Variants in ZFPM2 observed in about 807,000 individuals in gnomAD.
ZFPM2 encodes zinc finger protein ZFPM2.
In ZFPM2, 20 loss-of-function variants were observed where a neutral mutation model predicts 98.6. The observed-to-expected ratio is 0.20, with a 90% CI of 0.14 to 0.29. ZFPM2 has a LOEUF of 0.29. Ranked by LOEUF, ZFPM2 falls within the 10% of genes least tolerant of loss-of-function variation. The pLI is 1.00. For synonymous variants in ZFPM2, 518 were observed against 502.7 expected (o/e 1.03, Z -0.41); for missense variants, 1,310 against 1,388.6 (o/e 0.94, Z 0.90).
intron 2 of ZFPM2, among the ~76,000 whole-genome samples, chr8:105,431,716 C>G (rs1812023400): frequency 6.6e-6 from 1 of 151,922 alleles, no homozygotes; most frequent in South Asian, 2.1e-4. Flanking sequence ...GAGTTTGACA[C>G]CAGGTTGGCA....
intron 5 of ZFPM2, among the ~76,000 whole-genome samples, chr8:105,730,029 A>C (rs2131012228): frequency 6.6e-6 from 1 of 151,512 alleles, no homozygotes; most frequent in Non-Finnish European, 1.5e-5. Flanking sequence ...TCATTCACTT[A>C]CCTACTTATT....
At chr8:105,639,691 T>C (rs1229204506) in intron 5 of ZFPM2, among the ~76,000 whole-genome samples, 2 of 152,038 alleles carry the variant, frequency 1.3e-5, no homozygotes, top group Non-Finnish European at 2.9e-5. Flanking sequence ...TTGCTGATTA[T>C]CATACAAGCA....
At chr8:105,519,573 AGT>A (rs1448120436) in intron 3 of ZFPM2, among the ~76,000 whole-genome samples, 1 of 152,108 alleles carries the variant, frequency 6.6e-6, no homozygotes, top group Non-Finnish European at 1.5e-5. Context: ...GTTTGCCTCT[AGT>A]GTGTGTTACA....
chr8:105,370,907 T>C (rs565402163), intron 1 of ZFPM2, among the ~76,000 whole-genome samples: 1 of 152,348 alleles, frequency 6.6e-6, no homozygotes, highest in East Asian at 1.9e-4. Context: ...TGTGTTGTGC[T>C]GTGTGTACAC....
intron 5 of ZFPM2, among the ~76,000 whole-genome samples, chr8:105,711,826 C>G (rs746268251): frequency 6.6e-6 from 1 of 152,008 alleles, no homozygotes; most frequent in Non-Finnish European, 1.5e-5. Context: ...ATCAGTCTTC[C>G]TCCCCTGAAC....
chr8:105,384,242 CA>C (rs754528387), intron 1 of ZFPM2, among the ~76,000 whole-genome samples: 53 of 152,082 alleles, frequency 3.5e-4, no homozygotes, highest in Non-Finnish European at 6.8e-4. Flanking sequence ...TTGAGTTGCA[CA>C]AGCCAAGACC....
At chr8:105,562,417 G>T (rs1229135142) in intron 4 of ZFPM2, among the ~76,000 whole-genome samples, 1 of 152,108 alleles carries the variant, frequency 6.6e-6, no homozygotes, top group Non-Finnish European at 1.5e-5. Context: ...ATATAAGTTT[G>T]CTATTCCTGC....
At chr8:105,540,504 A>G (rs1814553268) in intron 3 of ZFPM2, among the ~76,000 whole-genome samples, 1 of 152,152 alleles carries the variant, frequency 6.6e-6, no homozygotes, top group Non-Finnish European at 1.5e-5. Flanking sequence ...GTGGATAACA[A>G]CATGTTTTAT....
chr8:105,464,343 A>G (rs1271181780), intron 3 of ZFPM2, among the ~76,000 whole-genome samples: 1 of 152,106 alleles, frequency 6.6e-6, no homozygotes, highest in Non-Finnish European at 1.5e-5. Context: ...TTATTTTAAT[A>G]AAAACCTCTG....
intron 4 of ZFPM2, among the ~76,000 whole-genome samples, chr8:105,616,263 G>A (rs1816412026): frequency 6.6e-6 from 1 of 152,028 alleles, no homozygotes; most frequent in African/African-American, 2.4e-5. Context: ...AAACATAGTA[G>A]TGTATTATTT....
chr8:105,652,728 ATATT>A (rs1817206010), intron 5 of ZFPM2, among the ~76,000 whole-genome samples: 1 of 152,158 alleles, frequency 6.6e-6, no homozygotes, highest in African/African-American at 2.4e-5. Context: ...GATTTTCTGA[ATATT>A]TATCAAATAT....
chr8:105,559,088 T>C (rs148987857), intron 3 of ZFPM2, among the ~76,000 whole-genome samples: 336 of 152,290 alleles, frequency 2.2e-3, no homozygotes, highest in African/African-American at 7.7e-3. Context: ...CTTTGTGCTC[T>C]GTCTCTGAGG....
At chr8:105,639,173 A>T (rs756346558) in intron 5 of ZFPM2, among the ~76,000 whole-genome samples, 1 of 152,058 alleles carries the variant, frequency 6.6e-6, no homozygotes, top group East Asian at 1.9e-4. Flanking sequence ...AGCACTGATG[A>T]TCTACTTCTT....
intron 4 of ZFPM2, among the ~76,000 whole-genome samples, chr8:105,622,459 A>G (rs1451303807): frequency 2.0e-5 from 3 of 152,200 alleles, no homozygotes; most frequent in East Asian, 1.9e-4. Context: ...CAGGTTTACA[A>G]TGAGCACAGA....
At chr8:105,514,547 G>A (rs1462033277) in intron 3 of ZFPM2, among the ~76,000 whole-genome samples, 2 of 152,050 alleles carry the variant, frequency 1.3e-5, no homozygotes, top group African/African-American at 4.8e-5. Context: ...ACCCAGCTCT[G>A]TTGGTTTTTG....
chr8:105,334,118 C>CTGTGTGTGTGTGTG lies in ZFPM2; in HGVS notation c.40+15166_40+15179dup, dbSNP rs71305145. Among the ~76,000 whole-genome samples the CTGTGTGTGTGTGTG allele has an allele frequency of 1.8e-3, 219 of 120,432 alleles. 3 individuals carry two copies. The highest frequency in any genetic ancestry group is 7.0e-3 in the African/African-American group (200 of 28,738). The allele number at this position is 120,432 out of a possible 152,430, so 79.0% of individuals were successfully genotyped here. ...CACTGCCATTACTGCTAGTAATAAA[C>CTGTGTGTGTGTGTG]TGTGTGTGTGTGTGTGTGTGTGTGT... is the stretch of plus-strand genomic sequence containing the variant. On this transcript the variant is annotated intron_variant, in intron 1 of 7. Transcript: ENST00000407775.
chr8:105,778,331 A>G (rs527637878), intron 5 of ZFPM2, among the ~76,000 whole-genome samples: 3 of 152,292 alleles, frequency 2.0e-5, no homozygotes, highest in African/African-American at 2.4e-5. Flanking sequence ...CAGTTATGAA[A>G]AAAACAGATT....
At chr8:105,774,009 C>T (rs917549256) in intron 5 of ZFPM2, among the ~76,000 whole-genome samples, 4 of 152,140 alleles carry the variant, frequency 2.6e-5, no homozygotes, top group Admixed American at 6.6e-5. Flanking sequence ...ACATAATTAG[C>T]GTCTGACAGT....
At chr8:105,550,028 C>A (rs1439223983) in intron 3 of ZFPM2, among the ~76,000 whole-genome samples, 1 of 152,068 alleles carries the variant, frequency 6.6e-6, no homozygotes, top group African/African-American at 2.4e-5. Context: ...GTCTGATTAT[C>A]AGGTGGAGAG....
Sources: gnomAD v4.1 joint callset for allele counts (sites outside exome capture counted in the v4.1 genomes callset) on GRCh38, gnomAD v4.1.1 for gene constraint, MANE v1.5 for transcripts, NCBI Gene and HGNC (gene_info 2026-07-23, HGNC 2026-07-21) for gene names.